Variants in TBC1D22A observed in about 807,000 individuals in gnomAD.
TBC1D22A encodes putative GTPase activator.
A neutral mutation model predicts 60.2 loss-of-function variants in TBC1D22A; 38 were observed. That is an observed-to-expected ratio of 0.63 (90% confidence interval 0.49 to 0.83). The LOEUF (loss-of-function observed/expected upper bound fraction) is 0.83, where lower values mean the gene tolerates loss of function less well. Among genes scored for constraint, TBC1D22A ranks in the 40% least tolerant of loss-of-function variants. The pLI is 0.00. For missense variants in TBC1D22A, 628 were observed against 701.0 expected (o/e 0.90, Z 1.18); for synonymous variants, 302 against 281.7 (o/e 1.07, Z -0.72).
At chr22:46,869,300 A>T (rs1173409189) in intron 4 of TBC1D22A, among the ~76,000 whole-genome samples, 1 of 152,172 alleles carries the variant, frequency 6.6e-6, no homozygotes, top group Non-Finnish European at 1.5e-5. Context: ...TCCTCTGGTG[A>T]CTCACTGTAC....
chr22:47,047,524 A>T (rs1487662664), intron 11 of TBC1D22A, among the ~76,000 whole-genome samples: 1 of 152,198 alleles, frequency 6.6e-6, no homozygotes, highest in Non-Finnish European at 1.5e-5. Context: ...CCCCGAGCGG[A>T]GCAGCAAAGG....
At chr22:46,941,584 A>G (rs930625967) in intron 8 of TBC1D22A, among the ~76,000 whole-genome samples, 23 of 147,472 alleles carry the variant, frequency 1.6e-4, no homozygotes, top group Non-Finnish European at 3.0e-4. Flanking sequence ...ATATACAGGG[A>G]ATATATATAC....
At chr22:46,822,941 C>T (rs944795413) in intron 4 of TBC1D22A, among the ~76,000 whole-genome samples, 1 of 152,054 alleles carries the variant, frequency 6.6e-6, no homozygotes. Context: ...GGGAGCTCCC[C>T]AAGCCAGAGA....
chr22:47,085,060 G>A (rs1216079029), intron 11 of TBC1D22A, among the ~76,000 whole-genome samples: 2 of 152,148 alleles, frequency 1.3e-5, no homozygotes, highest in Admixed American at 6.5e-5. Context: ...CAGGCGGATC[G>A]CCTGAAGGTC....
chr22:46,928,500 C>T (rs1216569725), intron 8 of TBC1D22A, among the ~76,000 whole-genome samples: 1 of 152,176 alleles, frequency 6.6e-6, no homozygotes, highest in Non-Finnish European at 1.5e-5. Context: ...TCTTCATGAC[C>T]TTGGGTTAGG....
At chr22:46,906,679 A>G (rs1290861467) in intron 7 of TBC1D22A, among the ~76,000 whole-genome samples, 1 of 152,168 alleles carries the variant, frequency 6.6e-6, no homozygotes, top group African/African-American at 2.4e-5. Context: ...CACTAAGGAA[A>G]GGCTGCTCGC....
chr22:47,037,852 T>C (rs2062704877), intron 11 of TBC1D22A, among the ~76,000 whole-genome samples: 1 of 152,190 alleles, frequency 6.6e-6, no homozygotes, highest in African/African-American at 2.4e-5. Context: ...TTTGAGCTGC[T>C]TCTGCCAAAA....
intron 4 of TBC1D22A, among the ~76,000 whole-genome samples, chr22:46,854,230 G>T (rs1432340266): frequency 6.6e-6 from 1 of 152,204 alleles, no homozygotes; most frequent in African/African-American, 2.4e-5. Flanking sequence ...GGAAAATCAT[G>T]GACGTGGTTG....
At chr22:47,146,492 A>C (rs999935885) in intron 12 of TBC1D22A, among the ~76,000 whole-genome samples, 1 of 152,190 alleles carries the variant, frequency 6.6e-6, no homozygotes, top group Non-Finnish European at 1.5e-5. Context: ...CAGGCCAAGA[A>C]AGCATTGGCA....
intron 8 of TBC1D22A, among the ~76,000 whole-genome samples, chr22:46,934,787 T>TA (rs148836688): frequency 6.6e-6 from 1 of 152,086 alleles, no homozygotes; most frequent in Non-Finnish European, 1.5e-5. Context: ...GTGTTGGTGT[T>TA]ACGCTGCTGG....
chr22:47,091,394 G>C (rs78984350), intron 11 of TBC1D22A, among the ~76,000 whole-genome samples: 2 of 146,752 alleles, frequency 1.4e-5, no homozygotes, highest in Non-Finnish European at 3.0e-5. Context: ...AGACAGGCAC[G>C]AGAAGTCGTC....
chr22:46,764,500 ACAGCAGTGACTCAACCTTTGGATTGAAGG>A (rs2083218275), intron 1 of TBC1D22A, among the ~76,000 whole-genome samples: 1 of 152,248 alleles, frequency 6.6e-6, no homozygotes, highest in Non-Finnish European at 1.5e-5. Context: ...GTGTGGAGTT[ACAGCAGTGACTCAACCTTTGGATTGAAGG>A]CTGTGGCTCT....
chr22:47,065,678 T>C (rs1318999644), intron 11 of TBC1D22A, among the ~76,000 whole-genome samples: 2 of 152,274 alleles, frequency 1.3e-5, no homozygotes, highest in Non-Finnish European at 2.9e-5. Flanking sequence ...GTGAGTCACA[T>C]CCTCAGTTTC....
intron 8 of TBC1D22A, among the ~76,000 whole-genome samples, chr22:46,920,279 A>G (rs1003072536): frequency 6.6e-6 from 1 of 152,084 alleles, no homozygotes; most frequent in African/African-American, 2.4e-5. Flanking sequence ...GAGTCTTGCT[A>G]TATTGCCCTG....
chr22:47,146,994 A>C (rs1395632442), intron 12 of TBC1D22A, among the ~76,000 whole-genome samples: 1 of 152,214 alleles, frequency 6.6e-6, no homozygotes, highest in East Asian at 1.9e-4. Context: ...AGTTACATGG[A>C]GATTGCACTG....
chr22:47,067,562 G>A (rs749215910), intron 11 of TBC1D22A, among the ~76,000 whole-genome samples: 7 of 152,134 alleles, frequency 4.6e-5, no homozygotes, highest in Non-Finnish European at 8.8e-5. Flanking sequence ...GAGTAAAGGC[G>A]CCGGCTCCAA....
intron 4 of TBC1D22A, among the ~76,000 whole-genome samples, chr22:46,847,046 C>T (rs1029288161): frequency 2.6e-5 from 4 of 152,204 alleles, no homozygotes; most frequent in African/African-American, 9.7e-5. Context: ...AGGCCATCAG[C>T]CTTCCTTATC....
At chr22:46,944,836 G>A (rs2072430141) in intron 8 of TBC1D22A, among the ~76,000 whole-genome samples, 1 of 152,032 alleles carries the variant, frequency 6.6e-6, no homozygotes, top group Non-Finnish European at 1.5e-5. Flanking sequence ...TTTTTTGTTG[G>A]TTAGAGGAAA....
chr22:46,894,638 G>A, intron 6 of TBC1D22A, 146 bp from the exon 7 acceptor site: 2 of 918,154 alleles, frequency 2.2e-6, no homozygotes, highest in Non-Finnish European at 3.4e-6. Context: ...GGGAGAAGGT[G>A]GTAACATGGA....
Sources: allele counts gnomAD v4.1 joint callset (sites outside exome capture counted in the v4.1 genomes callset), GRCh38; gene constraint gnomAD v4.1.1; transcripts MANE v1.5; gene names NCBI Gene and HGNC (gene_info 2026-07-23, HGNC 2026-07-21).